ASGR2: variants seen among roughly 807,000 people sequenced by gnomAD.
ASGR2 encodes C-type lectin domain family 4 member H2.
ASGR2 carries 34 observed loss-of-function variants against 32.3 expected under a neutral mutation model. That is an observed-to-expected ratio of 1.05 (90% confidence interval 0.80 to 1.40). The LOEUF is 1.40. ASGR2 is among the 40% of genes most tolerant of loss of function. ASGR2 has a pLI of 0.00. For missense variants in ASGR2, 385 were observed against 386.4 expected (o/e 1.00, Z 0.03); for synonymous variants, 143 against 150.0 (o/e 0.95, Z 0.34).
At chr17:7,111,542 G>A (rs1049844291) in intron 2 of ASGR2, among the ~76,000 whole-genome samples, 2 of 151,908 alleles carry the variant, frequency 1.3e-5, no homozygotes, top group African/African-American at 4.8e-5. Flanking sequence ...TGTAGTCCCA[G>A]CTACTCGGGA....
rs1915063626 is a variant in ASGR2 at position 7,113,600 on chromosome 17, A to C, written c.124+517T>G. Among the ~76,000 whole-genome samples, 1 of 151,348 alleles carries C rather than the reference A, an allele frequency of 6.6e-6. No homozygotes were observed. The highest frequency in any genetic ancestry group is 1.5e-5 in the Non-Finnish European group (1 of 67,860). ...ACACACACTCACATACACAACATAC[A>C]CTCGCACAACATACACACATGCACA... On this transcript the variant is annotated intron_variant, in intron 2 of 8. Coordinates refer to ENST00000691900, the MANE Select transcript of ASGR2 (RefSeq NM_001201352.2). This position sits in a 1 kb window ranked among gnomAD's most constrained non-coding sequence, Gnocchi z 5.1.
rs764796101 is a variant in ASGR2 at position 7,107,338 on chromosome 17, G to A, written c.410-21C>T. ...GTGATCTAGGACAGACAGGCTGAAA[G>A]TGCTGCCGGCAGGTGTGGTCCCCAC... On this transcript the variant is annotated intron_variant, in intron 5 of 8. Coordinates refer to ENST00000691900, the MANE Select transcript of ASGR2 (RefSeq NM_001201352.2). The surrounding 1 kb of genome is among the most constrained non-coding windows in gnomAD (Gnocchi z 5.0). 6.2e-7 allele frequency: 1 copy of A among 1,609,450 alleles called. No individual in the cohort carries two copies. The highest frequency in any genetic ancestry group is 1.1e-5 in the South Asian group (1 of 90,984).
intron 7 of ASGR2, 33 bp downstream of exon 7, chr17:7,106,967 G>T: frequency 6.2e-7 from 1 of 1,612,998 alleles, no homozygotes; most frequent in Non-Finnish European, 8.5e-7. Flanking sequence ...CCTTCCAAGG[G>T]CTTCCTCCTG....
At position 7,114,599 on chromosome 17, in the gene ASGR2, C is replaced by T; in HGVS notation, c.-71+16G>A. ...CCAAGCATCCTCGTCCCAGTTGCCTCCCCAGCCTCAGTTACCTGTGAAAGG... is the reference window on the plus strand; with the variant it reads ...CCAAGCATCCTCGTCCCAGTTGCCTTCCCAGCCTCAGTTACCTGTGAAAGG... On this transcript the variant is annotated intron_variant, in intron 1 of 8. Transcript: ENST00000691900. This position sits in a 1 kb window ranked among gnomAD's most constrained non-coding sequence, Gnocchi z 4.5. The T allele has an allele frequency of 9.3e-7, 1 of 1,072,556 alleles. No individual in the cohort carries two copies. The highest frequency in any genetic ancestry group is 1.7e-5 in the African/African-American group (1 of 60,392). 66.4% of individuals were successfully genotyped at this position (1,072,556 alleles called of 1,614,324 possible).
At position 7,114,585 on chromosome 17, in the gene ASGR2, C is replaced by G; in HGVS notation, c.-71+30G>C. ...AGGCCTCCTTGTTCCCAAGCATCCT[C>G]GTCCCAGTTGCCTCCCCAGCCTCAG... is the stretch of plus-strand genomic sequence containing the variant. On this transcript the variant is annotated intron_variant, in intron 1 of 8. Coordinates refer to ENST00000691900, the MANE Select transcript of ASGR2 (RefSeq NM_001201352.2). The surrounding 1 kb of genome is among the most constrained non-coding windows in gnomAD (Gnocchi z 4.5). 1 of 1,087,192 alleles carries G rather than the reference C, an allele frequency of 9.2e-7. No homozygotes were observed. The highest frequency in any genetic ancestry group is 1.1e-6 in the Non-Finnish European group (1 of 892,522). 67.3% of individuals were successfully genotyped at this position (1,087,192 alleles called of 1,614,324 possible).
intron 2 of ASGR2, among the ~76,000 whole-genome samples, chr17:7,112,155 G>GA (rs1181356517): frequency 4.0e-5 from 6 of 151,188 alleles, no homozygotes; most frequent in African/African-American, 1.5e-4. Context: ...AACACTGGGA[G>GA]AAAAAAGAAT....
At position 7,114,640 on chromosome 17, in the gene ASGR2, C is replaced by A; in HGVS notation, c.-96G>T. On this transcript the variant is annotated 5_prime_UTR_variant, in exon 1 of 9. Transcript: ENST00000691900. The surrounding 1 kb of genome is among the most constrained non-coding windows in gnomAD (Gnocchi z 4.5). ...CTGTGAAAGGTGTGGAGAGCGGACACCTGGCTCCCGCAGGCAACCCTGGCC... is the reference window on the plus strand; with the variant it reads ...CTGTGAAAGGTGTGGAGAGCGGACAACTGGCTCCCGCAGGCAACCCTGGCC... The A allele has an allele frequency of 9.7e-7, 1 of 1,028,068 alleles. No homozygotes were observed. The highest frequency in any genetic ancestry group is 1.2e-6 in the Non-Finnish European group (1 of 855,340). The allele number at this position is 1,028,068 out of a possible 1,614,324, so 63.7% of individuals were successfully genotyped here. A position where few individuals can be genotyped will look rare whatever the true frequency, so the allele number is the denominator to read the frequency against.
At chr17:7,111,131 C>T (rs534976749) in intron 2 of ASGR2, among the ~76,000 whole-genome samples, 149 of 152,248 alleles carry the variant, frequency 9.8e-4, no homozygotes, top group South Asian at 1.7e-3. Context: ...GGCAGCCAAT[C>T]AAAGATTACA....
chr17:7,104,100 G>A (rs1597375226), intron 7 of ASGR2, among the ~76,000 whole-genome samples: 1 of 151,612 alleles, frequency 6.6e-6, no homozygotes, highest in African/African-American at 2.4e-5. Context: ...TGTAATCCCA[G>A]CACTATGGGA....
At chr17:7,112,920 C>A (rs425694) in intron 2 of ASGR2, among the ~76,000 whole-genome samples, 94,003 of 151,918 alleles carry the variant, frequency 0.62, 29,359 homozygotes, top group Middle Eastern at 0.68. Flanking sequence ...TTCTGCCTAG[C>A]ACTGCTCAGA....
chr17:7,104,387 C>T, intron 7 of ASGR2, among the ~76,000 whole-genome samples: 1 of 143,550 alleles, frequency 7.0e-6, no homozygotes, highest in South Asian at 2.2e-4. Flanking sequence ...CGTAGTGGCT[C>T]ATGCCTGTAA....
chr17:7,114,156 G>C lies in ASGR2; in HGVS notation c.85C>G (p.Arg29Gly). 6.2e-7 allele frequency: 1 copy of C among 1,614,238 alleles called. No homozygotes were observed. The highest frequency in any genetic ancestry group is 8.5e-7 in the Non-Finnish European group (1 of 1,180,034). Residue 29 changes from arginine (R) to glycine (G), a missense_variant, in exon 2 of 9, where the codon CGC (arginine) becomes GGC (glycine). Arg to Gly is a moderately radical substitution (Grantham distance 125). Transcript: ENST00000691900. The surrounding 1 kb of genome is among the most constrained non-coding windows in gnomAD (Gnocchi z 4.5). ...TTTCCTCTCCTGGGATTCAGCCTGC[G>C]AGTGCCTGGCCCCTCACCTTGATGG... The part of the protein sequence containing the change: ...PFHQGEGPGT[R>G]RLNPRRGNPF...
At position 7,114,075 on chromosome 17, in the gene ASGR2, T is replaced by C. The variant is rs1302693943; in HGVS notation, c.124+42A>G. 6.2e-7 allele frequency: 1 copy of C among 1,612,172 alleles called. No individual in the cohort carries two copies. The highest frequency in any genetic ancestry group is 1.1e-5 in the South Asian group (1 of 90,930). On this transcript the variant is annotated intron_variant, in intron 2 of 8. Coordinates refer to ENST00000691900, the MANE Select transcript of ASGR2 (RefSeq NM_001201352.2). This position sits in a 1 kb window ranked among gnomAD's most constrained non-coding sequence, Gnocchi z 4.5. Reference sequence around the variant, plus strand: ...TCAAAGGGACAGAGCAATCATGAGCTGAGACAGAGGGGGAGCAAAGCCGCA... The same window carrying C: ...TCAAAGGGACAGAGCAATCATGAGCCGAGACAGAGGGGGAGCAAAGCCGCA...
Position 7,114,467 on chromosome 17 carries a change from G to A in ASGR2, c.-71+148C>T, listed in dbSNP as rs148597274. On this transcript the variant is annotated intron_variant, in intron 1 of 8. Coordinates refer to ENST00000691900, the MANE Select transcript of ASGR2 (RefSeq NM_001201352.2). This position sits in a 1 kb window ranked among gnomAD's most constrained non-coding sequence, Gnocchi z 4.5. ...GGGTCCTTTCCCTTCTCAGGAGACC[G>A]CTTGGGCCTTGACCTGGCCAGGAGA... 949 of 1,371,520 alleles carry A rather than the reference G, an allele frequency of 6.9e-4. 6 individuals carry two copies. In the African/African-American group the frequency reaches 0.013, roughly 18 times the overall value. The allele number at this position is 1,371,520 out of a possible 1,614,324, so 85.0% of individuals were successfully genotyped here.
In ASGR2 at chr17:7,101,332, C is replaced by T; in HGVS notation, c.*243G>A. 2.1e-6 allele frequency: 1 copy of T among 474,642 alleles called. No homozygotes were observed. Among genetic ancestry groups the T allele is most frequent in the Non-Finnish European group, 3.7e-6 (1 of 267,942 alleles). The allele number at this position is 474,642 out of a possible 1,614,324, so 29.4% of individuals were successfully genotyped here. ...TAACCAGGCCACACAGAGATTCAAG[C>T]ATTTGTTTCTTCTTTCCTACGCCAT... On this transcript the variant is annotated 3_prime_UTR_variant, in exon 9 of 9. Coordinates refer to ENST00000691900, the MANE Select transcript of ASGR2 (RefSeq NM_001201352.2).
chr17:7,108,324 C>T lies in ASGR2; in HGVS notation c.337+138G>A. On this transcript the variant is annotated intron_variant, in intron 4 of 8. Transcript: ENST00000691900. The surrounding 1 kb of genome is among the most constrained non-coding windows in gnomAD (Gnocchi z 4.9). ...TCGTCCGTCCCCACCTGCCTCCCTCCTATACATCCCCCAGGGCCCCTGGAC... is the reference window on the plus strand; with the variant it reads ...TCGTCCGTCCCCACCTGCCTCCCTCTTATACATCCCCCAGGGCCCCTGGAC... The T allele has an allele frequency of 1.1e-6, 1 of 886,014 alleles. No individual in the cohort carries two copies. The highest frequency in any genetic ancestry group is 1.7e-6 in the Non-Finnish European group (1 of 584,956). 54.9% of individuals were successfully genotyped at this position (886,014 alleles called of 1,614,324 possible). A position where few individuals can be genotyped will look rare whatever the true frequency, so the allele number is the denominator to read the frequency against.
rs201702172 is a variant in ASGR2 at position 7,113,527 on chromosome 17, TAC to T, written c.124+588_124+589del. On this transcript the variant is annotated intron_variant, in intron 2 of 8. Coordinates refer to ENST00000691900, the MANE Select transcript of ASGR2 (RefSeq NM_001201352.2). This position sits in a 1 kb window ranked among gnomAD's most constrained non-coding sequence, Gnocchi z 5.1. ...ATACACAACGTACACACACACAACA[TAC>T]ACACACTCATACACAACATACATAC... Among the ~76,000 whole-genome samples the T allele has an allele frequency of 8.0e-3, 699 of 87,252 alleles. 13 individuals carry two copies. Among genetic ancestry groups the T allele is most frequent in the East Asian group, 0.065 (247 of 3,812 alleles). The allele number at this position is 87,252 out of a possible 152,430, so 57.2% of individuals were successfully genotyped here. A position where few individuals can be genotyped will look rare whatever the true frequency, so the allele number is the denominator to read the frequency against.
chr17:7,105,497 G>A (rs933776487), intron 7 of ASGR2, among the ~76,000 whole-genome samples: 4 of 152,060 alleles, frequency 2.6e-5, no homozygotes, highest in African/African-American at 9.7e-5. Flanking sequence ...GGGCAACATG[G>A]CACAACACCA....
In ASGR2 at chr17:7,108,849, G is replaced by T; in HGVS notation, c.164C>A (p.Ser55Tyr). 6.2e-7 allele frequency: 1 copy of T among 1,610,028 alleles called. No homozygotes were observed. The highest frequency in any genetic ancestry group is 8.5e-7 in the Non-Finnish European group (1 of 1,178,334). Residue 55 changes from serine to tyrosine, a missense_variant, in exon 3 of 9, where the codon TCC becomes TAC. Transcript: ENST00000691900. This position sits in a 1 kb window ranked among gnomAD's most constrained non-coding sequence, Gnocchi z 4.9. ...PAQPLAQRLC[S>Y]MVCFSLLALS... ...GGCAAGCAGACTGAAGCAGACCATGGAGCAGAGACGCTGTGCCAGGGGCTG... is the reference window on the plus strand; with the variant it reads ...GGCAAGCAGACTGAAGCAGACCATGTAGCAGAGACGCTGTGCCAGGGGCTG...
Sources: gnomAD v4.1 joint callset for allele counts (sites outside exome capture counted in the v4.1 genomes callset) on GRCh38, gnomAD v4.1.1 for gene constraint, Gnocchi (gnomAD v3.1) non-coding constraint, MANE v1.5 for transcripts, NCBI Gene and HGNC (gene_info 2026-07-23, HGNC 2026-07-21) for gene names.